The following CLSTN2 variants were observed in gnomAD, a reference collection of about 807,000 sequenced individuals.
The protein encoded by CLSTN2 is calsyntenin-2.
Under a neutral mutation model 101.2 loss-of-function variants are expected in CLSTN2, and 48 were observed. The ratio of observed to expected loss-of-function variants is 0.47; its 90% CI spans 0.38 to 0.60. CLSTN2 has a LOEUF of 0.60. Among genes scored for constraint, CLSTN2 ranks in the 20% least tolerant of loss-of-function variants. The pLI is 0.00. For missense variants in CLSTN2, 1,160 were observed against 1,238.2 expected, an observed-to-expected ratio of 0.94 and a Z score of 0.95; for synonymous variants, 481 against 463.6, an observed-to-expected ratio of 1.04 and a Z score of -0.48.
chr3:140,565,832 T>C (rs1936015147), intron 16 of CLSTN2, among the ~76,000 whole-genome samples: 1 of 152,242 alleles, frequency 6.6e-6, no homozygotes, highest in Non-Finnish European at 1.5e-5. Flanking sequence ...GTTCATGCCT[T>C]GGAATTTGCT....
At chr3:140,233,038 A>G (rs998457101) in intron 2 of CLSTN2, among the ~76,000 whole-genome samples, 10 of 152,060 alleles carry the variant, frequency 6.6e-5, no homozygotes, top group Admixed American at 3.9e-4. Flanking sequence ...TAATTTCTTG[A>G]TGGTTTAGAA....
intron 2 of CLSTN2, among the ~76,000 whole-genome samples, chr3:140,343,008 C>G (rs958534680): frequency 6.6e-6 from 1 of 152,204 alleles, no homozygotes; most frequent in African/African-American, 2.4e-5. Context: ...GTCACAAGCC[C>G]TCCCAGACGG....
chr3:140,472,546 G>A (rs970357242), intron 8 of CLSTN2, among the ~76,000 whole-genome samples: 2 of 152,196 alleles, frequency 1.3e-5, no homozygotes, highest in Non-Finnish European at 2.9e-5. Flanking sequence ...CTCTAATCCT[G>A]CTGTTAAAGA....
intron 1 of CLSTN2, among the ~76,000 whole-genome samples, chr3:139,991,770 A>G (rs1164672975): frequency 1.3e-5 from 2 of 152,256 alleles, no homozygotes; most frequent in Non-Finnish European, 2.9e-5. Context: ...GTAGGTTTAC[A>G]CAATGAAAAG....
chr3:140,245,713 C>T (rs1307092351), intron 2 of CLSTN2, among the ~76,000 whole-genome samples: 1 of 152,150 alleles, frequency 6.6e-6, no homozygotes, highest in Non-Finnish European at 1.5e-5. Context: ...TGTCCTAGAT[C>T]ACAATAAGTA....
intron 4 of CLSTN2, among the ~76,000 whole-genome samples, chr3:140,418,488 T>C (rs1017010421): frequency 1.6e-4 from 23 of 144,556 alleles, no homozygotes; most frequent in South Asian, 8.5e-4. Context: ...TAGATTATTC[T>C]AGTTCTTTCT....
At chr3:140,413,525 G>T (rs1000966759) in intron 4 of CLSTN2, among the ~76,000 whole-genome samples, 10 of 152,070 alleles carry the variant, frequency 6.6e-5, no homozygotes, top group African/African-American at 2.4e-4. Context: ...CTGAAGAGGA[G>T]GGAACACTTT....
At chr3:140,061,690 A>T (rs771093690) in intron 1 of CLSTN2, among the ~76,000 whole-genome samples, 2 of 152,188 alleles carry the variant, frequency 1.3e-5, no homozygotes, top group East Asian at 3.8e-4. Flanking sequence ...TTCCACCTAC[A>T]TTGTTGCAGT....
chr3:140,139,929 G>T (rs1338199420), intron 1 of CLSTN2, among the ~76,000 whole-genome samples: 1 of 152,192 alleles, frequency 6.6e-6, no homozygotes, highest in Non-Finnish European at 1.5e-5. Context: ...TGCAGATGAA[G>T]GTCATTTCTT....
At position 140,381,429 on chromosome 3, in the gene CLSTN2, T is replaced by C. The variant is rs997336814; in HGVS notation, c.233-22200T>C. On this transcript the variant is annotated intron_variant, in intron 2 of 16. Transcript: ENST00000458420. Reference sequence around the variant, plus strand: ...TTCCTAAGGCAGACTCCACCAACTCTGTAGCATTGGAAACCATACAGTGTC... The same window carrying C: ...TTCCTAAGGCAGACTCCACCAACTCCGTAGCATTGGAAACCATACAGTGTC... 9.2e-5 allele frequency among the ~76,000 whole-genome samples: 14 copies of C among 152,214 alleles called. 1 individual carries two copies. The highest frequency in any genetic ancestry group is 2.9e-5 in the Non-Finnish European group (2 of 68,034).
chr3:139,948,194 G>C (rs1935241385), intron 1 of CLSTN2, among the ~76,000 whole-genome samples: 1 of 152,010 alleles, frequency 6.6e-6, no homozygotes, highest in Non-Finnish European at 1.5e-5. Flanking sequence ...GCTGCTCCCT[G>C]GAAGCCACTC....
chr3:140,368,534 G>C (rs551338426), intron 2 of CLSTN2, among the ~76,000 whole-genome samples: 64 of 152,284 alleles, frequency 4.2e-4, no homozygotes, highest in African/African-American at 1.5e-3. Context: ...TCCAGGCCAA[G>C]GGGTGGTATC....
chr3:140,176,171 CCACCCTGTGCATCTCTAGAT>C, intron 2 of CLSTN2, 98 bp downstream of exon 2: 1 of 1,315,500 alleles, frequency 7.6e-7, no homozygotes, highest in African/African-American at 1.5e-5. Flanking sequence ...GCTATTGTCA[CCACCCTGTGCATCTCTAGAT>C]CAGCCTGTGA....
At position 140,364,445 on chromosome 3, in the gene CLSTN2, C is replaced by A. The variant is rs562561461; in HGVS notation, c.233-39184C>A. ...CCTTCCTCTTTGCACACCATTTGGT[C>A]TCTGGTCTGATTCTCTGGTGACCAC... On this transcript the variant is annotated intron_variant, in intron 2 of 16. Coordinates refer to ENST00000458420, the MANE Select transcript of CLSTN2 (RefSeq NM_022131.3). 1.7e-4 allele frequency among the ~76,000 whole-genome samples: 26 copies of A among 152,270 alleles called. No homozygotes were observed. In the South Asian group the frequency reaches 5.2e-3, roughly 30 times the overall value.
chr3:140,311,111 T>C (rs1274472934), intron 2 of CLSTN2, among the ~76,000 whole-genome samples: 1 of 151,996 alleles, frequency 6.6e-6, no homozygotes, highest in East Asian at 1.9e-4. Context: ...AGTGAGTCAA[T>C]AGAGTTCTAT....
At chr3:140,113,369 C>T (rs1281675514) in intron 1 of CLSTN2, among the ~76,000 whole-genome samples, 1 of 152,198 alleles carries the variant, frequency 6.6e-6, no homozygotes, top group East Asian at 1.9e-4. Context: ...CCAACTCGCT[C>T]TCTCAGTGGC....
At chr3:140,497,109 A>AAAAG (rs1406029017) in intron 8 of CLSTN2, among the ~76,000 whole-genome samples, 1 of 151,906 alleles carries the variant, frequency 6.6e-6, no homozygotes, top group East Asian at 1.9e-4. Flanking sequence ...TCAAAAAAAA[A>AAAAG]AAAAAAAAAG....
intron 2 of CLSTN2, among the ~76,000 whole-genome samples, chr3:140,261,997 T>C (rs2086658130): frequency 6.6e-6 from 1 of 152,220 alleles, no homozygotes; most frequent in South Asian, 2.1e-4. Context: ...CTAATTAGTA[T>C]GATGCCATAA....
chr3:140,440,554 G>A (rs1276168872), intron 5 of CLSTN2, among the ~76,000 whole-genome samples: 2 of 152,100 alleles, frequency 1.3e-5, no homozygotes, highest in African/African-American at 2.4e-5. Context: ...TCAGATACAG[G>A]GCTAAGTGGT....
Sources: allele counts gnomAD v4.1 joint callset (sites outside exome capture counted in the v4.1 genomes callset), GRCh38; gene constraint gnomAD v4.1.1; transcripts MANE v1.5; gene names NCBI Gene and HGNC (gene_info 2026-07-23, HGNC 2026-07-21).